The following RBFOX1 variants were observed in gnomAD, a reference collection of about 807,000 sequenced individuals.
RBFOX1 encodes RNA binding protein fox-1 homolog 1.
RBFOX1 carries 8 observed loss-of-function variants against 57.7 expected under a neutral mutation model. The ratio of observed to expected loss-of-function variants is 0.14; its 90% CI spans 0.08 to 0.25. The LOEUF (loss-of-function observed/expected upper bound fraction) is 0.25, where lower values mean the gene tolerates loss of function less well. RBFOX1 is among the 10% of genes least tolerant of loss of function. RBFOX1 has a pLI of 1.00. For missense variants in RBFOX1, 611 were observed against 548.5 expected (o/e 1.11, Z -1.14); for synonymous variants, 326 against 222.4 (o/e 1.47, Z -4.15).
intron 4 of RBFOX1, among the ~76,000 whole-genome samples, chr16:7,074,413 T>C (rs1162034611): frequency 6.6e-6 from 1 of 152,124 alleles, no homozygotes; most frequent in African/African-American, 2.4e-5. Context: ...TGCAATTATT[T>C]TGCATCAACC....
intron 2 of RBFOX1, among the ~76,000 whole-genome samples, chr16:5,511,912 A>G (rs993526828): frequency 1.3e-5 from 2 of 152,212 alleles, no homozygotes; most frequent in African/African-American, 4.8e-5. Context: ...CAGATATTAA[A>G]GCTTATGAGT....
chr16:7,308,603 G>A (rs928217534), intron 4 of RBFOX1, among the ~76,000 whole-genome samples: 6 of 152,200 alleles, frequency 3.9e-5, no homozygotes, highest in South Asian at 4.1e-4. Flanking sequence ...AAGTAGTGAA[G>A]TGGTTTGTAC....
chr16:5,816,551 C>T (rs933906451), intron 3 of RBFOX1, among the ~76,000 whole-genome samples: 1 of 152,096 alleles, frequency 6.6e-6, no homozygotes, highest in Non-Finnish European at 1.5e-5. Flanking sequence ...CTTGTAATCC[C>T]AGTACTTTGG....
At chr16:7,415,580 C>T (rs2098470301) in intron 4 of RBFOX1, among the ~76,000 whole-genome samples, 2 of 152,106 alleles carry the variant, frequency 1.3e-5, no homozygotes, top group Non-Finnish European at 2.9e-5. Context: ...TTTGGGGTGA[C>T]ACACAAAATT....
rs898099082 is a variant in RBFOX1 at position 5,381,475 on chromosome 16, G to A, written c.220-85741G>A. ...TCAGTAGGTCTGGGGCAGGGCTCAA[G>A]ATTCTGCATTTCTAGCAAGCTCCCT... On this transcript the variant is annotated intron_variant, in intron 1 of 2. Coordinates refer to the RBFOX1 transcript ENST00000585867. Among the ~76,000 whole-genome samples, 11 of 152,304 alleles carry A rather than the reference G, an allele frequency of 7.2e-5. 1 individual carries two copies. In the South Asian group the frequency reaches 1.2e-3, roughly 17 times the overall value.
At chr16:7,063,982 C>T (rs142313822) in intron 4 of RBFOX1, among the ~76,000 whole-genome samples, 1 of 152,180 alleles carries the variant, frequency 6.6e-6, no homozygotes, top group East Asian at 1.9e-4. Context: ...TATGGAGGAA[C>T]AACTATACTA....
At chr16:7,568,816 G>A (rs889178832) in intron 5 of RBFOX1, among the ~76,000 whole-genome samples, 3 of 148,840 alleles carry the variant, frequency 2.0e-5, no homozygotes, top group Non-Finnish European at 4.5e-5. Context: ...GAACCCGGGA[G>A]GCGGAGCTTA....
At chr16:7,506,184 CAAAAAAAAAAAA>C (rs552568132) in intron 4 of RBFOX1, among the ~76,000 whole-genome samples, 31 of 49,948 alleles carry the variant, frequency 6.2e-4, no homozygotes, top group South Asian at 1.5e-3. Flanking sequence ...GACTCTGTCT[CAAAAAAAAAAAA>C]AAAAAAAAAA....
chr16:7,366,620 G>A (rs2097454693), intron 4 of RBFOX1, among the ~76,000 whole-genome samples: 1 of 151,562 alleles, frequency 6.6e-6, no homozygotes, highest in South Asian at 2.1e-4. Context: ...ACTCTGGTCA[G>A]TTTCTCTGAT....
intron 2 of RBFOX1, among the ~76,000 whole-genome samples, chr16:5,484,772 C>T (rs1464774041): frequency 4.6e-5 from 7 of 151,626 alleles, no homozygotes; most frequent in African/African-American, 1.7e-4. Flanking sequence ...ATTAGCCAGG[C>T]GTGGTGGCGG....
intron 1 of RBFOX1, among the ~76,000 whole-genome samples, chr16:5,312,160 G>C (rs2064109197): frequency 6.6e-6 from 1 of 152,162 alleles, no homozygotes; most frequent in Non-Finnish European, 1.5e-5. Context: ...ATGCGTGTTT[G>C]GGACACTCTG....
chr16:6,279,696 T>C (rs548004367), intron 1 of RBFOX1, among the ~76,000 whole-genome samples: 1 of 152,332 alleles, frequency 6.6e-6, no homozygotes, highest in Non-Finnish European at 1.5e-5. Context: ...ATTTGATCTT[T>C]ACTGAGGCTG....
intron 15 of RBFOX1, 130 bp from the exon 16 acceptor site, chr16:7,710,493 T>G: frequency 6.5e-7 from 1 of 1,548,724 alleles, no homozygotes; most frequent in Non-Finnish European, 8.6e-7. Flanking sequence ...AAGAATGACC[T>G]GGGATGGGTA....
chr16:6,036,779 A>C (rs1428396679), intron 1 of RBFOX1, among the ~76,000 whole-genome samples: 1 of 152,226 alleles, frequency 6.6e-6, no homozygotes, highest in Non-Finnish European at 1.5e-5. Flanking sequence ...AATTGCATTT[A>C]AAATTTAAAG....
At chr16:6,418,209 G>T (rs1429178372) in intron 2 of RBFOX1, among the ~76,000 whole-genome samples, 2 of 152,186 alleles carry the variant, frequency 1.3e-5, no homozygotes, top group Admixed American at 1.3e-4. Context: ...GGTAGCTGAG[G>T]CTTGGAGAGA....
intron 3 of RBFOX1, among the ~76,000 whole-genome samples, chr16:6,976,679 A>G (rs1568180345): frequency 1.3e-5 from 2 of 149,440 alleles, no homozygotes; most frequent in East Asian, 1.9e-4. Flanking sequence ...TATATCATAT[A>G]TATCATACCT....
chr16:6,757,308 G>C (rs560588954), intron 3 of RBFOX1, among the ~76,000 whole-genome samples: 1 of 152,208 alleles, frequency 6.6e-6, no homozygotes, highest in East Asian at 1.9e-4. Flanking sequence ...TATTTACCCA[G>C]AGGAAAGAAA....
chr16:5,623,626 G>A (rs548630621), intron 3 of RBFOX1, among the ~76,000 whole-genome samples: 21 of 152,094 alleles, frequency 1.4e-4, no homozygotes, highest in Admixed American at 3.3e-4. Context: ...TTTTGTTCCC[G>A]CTACACTGGT....
chr16:6,892,830 T>G (rs1437926899), intron 3 of RBFOX1, among the ~76,000 whole-genome samples: 1 of 121,958 alleles, frequency 8.2e-6, no homozygotes, highest in Middle Eastern at 3.8e-3. Context: ...CTCTCTCTAT[T>G]CTGCTTCAGG....
Sources: gnomAD v4.1 joint callset for allele counts (sites outside exome capture counted in the v4.1 genomes callset) on GRCh38, gnomAD v4.1.1 for gene constraint, MANE v1.5 for transcripts, NCBI Gene and HGNC (gene_info 2026-07-23, HGNC 2026-07-21) for gene names.